The following CACHD1 variants were observed in gnomAD, a reference collection of about 807,000 sequenced individuals.
The protein encoded by CACHD1 is VWFA and cache domain-containing protein 1.
Under a neutral mutation model 138.7 loss-of-function variants are expected in CACHD1, and 71 were observed. That is an observed-to-expected ratio of 0.51 (90% CI 0.42 to 0.62). The LOEUF (loss-of-function observed/expected upper bound fraction) is 0.62. CACHD1 is among the 20% of genes least tolerant of loss of function. The pLI, the probability that CACHD1 is intolerant of heterozygous loss-of-function variation, is 0.00. For missense variants in CACHD1, 1,389 were observed against 1,625.3 expected (o/e 0.85, Z 2.50); for synonymous variants, 578 against 591.5 (o/e 0.98, Z 0.33).
chr1:64,485,061 G>A (rs1029262680), intron 1 of CACHD1, among the ~76,000 whole-genome samples: 2 of 152,140 alleles, frequency 1.3e-5, no homozygotes, highest in South Asian at 2.1e-4. Flanking sequence ...TTTCCATAGT[G>A]GGTGTACCAT....
chr1:64,512,393 C>CAAAAAA (rs551616431), intron 1 of CACHD1, among the ~76,000 whole-genome samples: 2 of 78,598 alleles, frequency 2.5e-5, no homozygotes, highest in Admixed American at 1.2e-4. Flanking sequence ...GACTGTGTCT[C>CAAAAAA]AAAAAAAAAA....
At chr1:64,525,425 CA>C (rs1175428641) in intron 1 of CACHD1, among the ~76,000 whole-genome samples, 1 of 152,120 alleles carries the variant, frequency 6.6e-6, no homozygotes, top group Non-Finnish European at 1.5e-5. Flanking sequence ...GTAAGATGAG[CA>C]GTTCATATTA....
intron 26 of CACHD1, among the ~76,000 whole-genome samples, chr1:64,684,954 C>T (rs1422105536): frequency 1.3e-5 from 2 of 152,170 alleles, no homozygotes; most frequent in Non-Finnish European, 2.9e-5. Context: ...GGATTACAGG[C>T]ACATGCCACC....
chr1:64,498,319 A>G lies in CACHD1; in HGVS notation c.198+27377A>G, dbSNP rs568845852. Among the ~76,000 whole-genome samples the G allele has an allele frequency of 3.3e-5, 5 of 152,330 alleles. No individual in the cohort carries two copies. In the East Asian group the frequency reaches 9.6e-4, roughly 29 times the overall value. On this transcript the variant is annotated intron_variant, in intron 1 of 26. Transcript: ENST00000651257. ...AATACAGTGCGTGCTCCAGCATATT[A>G]GAACTACTTATTCTCTTTATTTTTT...
At position 64,641,754 on chromosome 1, in the gene CACHD1, G is replaced by A. The variant is rs547080756; in HGVS notation, c.1007-66G>A. The A allele has an allele frequency of 5.1e-4, 668 of 1,312,466 alleles. 2 individuals carry two copies. In the African/African-American group the frequency reaches 8.8e-3, roughly 17 times the overall value. The allele number at this position is 1,312,466 out of a possible 1,614,324, so 81.3% of individuals were successfully genotyped here. A position where few individuals can be genotyped will look rare whatever the true frequency, so the allele number is the denominator to read the frequency against. Reference sequence around the variant, plus strand: ...GTGGGGAAGTCCAAGGACATGAACAGGAAACTGAACTGCTGCCTTTAGCTG... The same window carrying A: ...GTGGGGAAGTCCAAGGACATGAACAAGAAACTGAACTGCTGCCTTTAGCTG... On this transcript the variant is annotated intron_variant, in intron 7 of 26. Transcript: ENST00000651257.
intron 3 of CACHD1, among the ~76,000 whole-genome samples, chr1:64,595,471 T>C (rs777628879): frequency 6.6e-4 from 101 of 151,982 alleles, no homozygotes; most frequent in Non-Finnish European, 1.2e-3. Context: ...CTATTAGAGG[T>C]CAAGTGGCAG....
At chr1:64,683,959 G>A (rs1037152468) in intron 26 of CACHD1, among the ~76,000 whole-genome samples, 3 of 152,150 alleles carry the variant, frequency 2.0e-5, no homozygotes, top group Non-Finnish European at 2.9e-5. Flanking sequence ...ATCTGTGTAT[G>A]CTCTACTCTC....
intron 2 of CACHD1, among the ~76,000 whole-genome samples, chr1:64,554,035 T>C (rs1003313160): frequency 2.0e-5 from 3 of 152,142 alleles, no homozygotes; most frequent in African/African-American, 7.2e-5. Flanking sequence ...ATTTTGTTGT[T>C]GTTTTGTTTT....
intron 2 of CACHD1, among the ~76,000 whole-genome samples, chr1:64,564,233 G>A (rs1018860835): frequency 6.6e-6 from 1 of 152,204 alleles, no homozygotes; most frequent in African/African-American, 2.4e-5. Context: ...CACAGGAGGG[G>A]AGACTAGAGG....
intron 1 of CACHD1, among the ~76,000 whole-genome samples, chr1:64,506,924 T>C (rs1468309095): frequency 1.3e-5 from 2 of 152,230 alleles, no homozygotes; most frequent in Non-Finnish European, 2.9e-5. Context: ...GTAAAGTGAT[T>C]GAAAACCTTT....
At chr1:64,560,628 G>A (rs1433493968) in intron 2 of CACHD1, among the ~76,000 whole-genome samples, 3 of 151,926 alleles carry the variant, frequency 2.0e-5, no homozygotes, top group Admixed American at 6.6e-5. Context: ...CATATGATCA[G>A]TCTTGGTGGA....
At chr1:64,690,401 G>A (rs1410875435) in intron 26 of CACHD1, among the ~76,000 whole-genome samples, 1 of 152,190 alleles carries the variant, frequency 6.6e-6, no homozygotes, top group Non-Finnish European at 1.5e-5. Flanking sequence ...AGATGCAATG[G>A]AAATATTAAT....
At chr1:64,576,263 T>C (rs1012314917) in intron 2 of CACHD1, among the ~76,000 whole-genome samples, 1 of 152,232 alleles carries the variant, frequency 6.6e-6, no homozygotes, top group Non-Finnish European at 1.5e-5. Flanking sequence ...TGTAGCTTTC[T>C]GTTGAGAATG....
intron 1 of CACHD1, among the ~76,000 whole-genome samples, chr1:64,537,431 A>G (rs1337978379): frequency 6.6e-6 from 1 of 152,178 alleles, no homozygotes; most frequent in Non-Finnish European, 1.5e-5. Context: ...AGGTGTTCCC[A>G]TCAGGTCTTA....
At chr1:64,475,247 T>TA (rs1176504929) in intron 1 of CACHD1, among the ~76,000 whole-genome samples, 1 of 145,400 alleles carries the variant, frequency 6.9e-6, no homozygotes, top group African/African-American at 2.5e-5. Flanking sequence ...GATGTGATCA[T>TA]AGTTCACTGT....
intron 2 of CACHD1, among the ~76,000 whole-genome samples, chr1:64,558,011 C>T (rs999482178): frequency 1.3e-5 from 2 of 151,936 alleles, no homozygotes; most frequent in African/African-American, 4.8e-5. Flanking sequence ...GTTGGCCAGG[C>T]TTTTCTCGAA....
intron 4 of CACHD1, among the ~76,000 whole-genome samples, chr1:64,624,228 C>T (rs1165583223): frequency 6.6e-6 from 1 of 152,184 alleles, no homozygotes; most frequent in Non-Finnish European, 1.5e-5. Flanking sequence ...ATTGGAGAAA[C>T]CTTGCCTGAA....
chr1:64,485,065 G>C, intron 1 of CACHD1, among the ~76,000 whole-genome samples: 1 of 152,192 alleles, frequency 6.6e-6, no homozygotes, highest in Non-Finnish European at 1.5e-5. Flanking sequence ...CATAGTGGGT[G>C]TACCATTTTA....
At chr1:64,685,917 C>A (rs1017253616) in intron 26 of CACHD1, among the ~76,000 whole-genome samples, 1 of 151,940 alleles carries the variant, frequency 6.6e-6, no homozygotes, top group Non-Finnish European at 1.5e-5. Flanking sequence ...ATATGATAGG[C>A]ACGGTGCTCA....
Sources: allele counts gnomAD v4.1 joint callset (sites outside exome capture counted in the v4.1 genomes callset), GRCh38; gene constraint gnomAD v4.1.1; transcripts MANE v1.5; gene names NCBI Gene and HGNC (gene_info 2026-07-23, HGNC 2026-07-21).